Variants in HIVEP2 observed in about 807,000 individuals in gnomAD.
HIVEP2 encodes transcription factor HIVEP2.
Under a neutral mutation model 180.7 loss-of-function variants are expected in HIVEP2, and 14 were observed. The observed-to-expected ratio is 0.08, with a 90% confidence interval of 0.05 to 0.12. The LOEUF (loss-of-function observed/expected upper bound fraction) is 0.12. Among genes scored for constraint, HIVEP2 ranks in the 10% least tolerant of loss-of-function variants. The pLI is 1.00. For synonymous variants in HIVEP2, 1,184 were observed against 1,136.4 expected (o/e 1.04, Z -0.84); for missense variants, 2,579 against 3,008.5 (o/e 0.86, Z 3.34).
At chr6:142,934,433 C>T (rs1452130966) in intron 1 of HIVEP2, among the ~76,000 whole-genome samples, 1 of 152,118 alleles carries the variant, frequency 6.6e-6, no homozygotes, top group Non-Finnish European at 1.5e-5. Context: ...TCTAGAGCTC[C>T]AGTGTAGGCT....
intron 2 of HIVEP2, among the ~76,000 whole-genome samples, chr6:142,786,654 A>C (rs1435542617): frequency 6.6e-6 from 1 of 152,232 alleles, no homozygotes; most frequent in Non-Finnish European, 1.5e-5. Flanking sequence ...ATAGGTTATT[A>C]CTATTAAGCT....
chr6:142,911,192 G>A (rs1456143183), intron 1 of HIVEP2, among the ~76,000 whole-genome samples: 1 of 150,078 alleles, frequency 6.7e-6, no homozygotes, highest in Non-Finnish European at 1.5e-5. Flanking sequence ...CATTTCAGGG[G>A]AGCCCAGTGA....
chr6:142,945,337 C>T (rs1778299836), upstream of HIVEP2: 1 of 152,464 alleles, frequency 6.6e-6, no homozygotes, highest in African/African-American at 2.4e-5. The surrounding 1 kb of genome is among the most constrained non-coding windows in gnomAD (Gnocchi z 5.5). Flanking sequence ...CATCCCCGCC[C>T]CCTCCGACCC....
chr6:142,801,708 T>C (rs1776416070), intron 2 of HIVEP2, among the ~76,000 whole-genome samples: 1 of 152,252 alleles, frequency 6.6e-6, no homozygotes, highest in Admixed American at 6.5e-5. Context: ...TGGGTTACTG[T>C]AAGAACTAAG....
intron 1 of HIVEP2, among the ~76,000 whole-genome samples, chr6:142,907,755 A>G (rs987050324): frequency 6.6e-6 from 1 of 152,210 alleles, no homozygotes; most frequent in Non-Finnish European, 1.5e-5. Flanking sequence ...CTCAGGACCA[A>G]TCCAAAAACG....
chr6:142,814,570 TGTCA>T (rs1319697636), intron 2 of HIVEP2, among the ~76,000 whole-genome samples: 2 of 152,126 alleles, frequency 1.3e-5, no homozygotes, highest in African/African-American at 2.4e-5. Flanking sequence ...CGGTTATATG[TGTCA>T]GTGTGATGAG....
intron 1 of HIVEP2, among the ~76,000 whole-genome samples, chr6:142,897,889 T>C (rs988328472): frequency 6.6e-6 from 1 of 152,226 alleles, no homozygotes; most frequent in Non-Finnish European, 1.5e-5. Flanking sequence ...TCTCACTCTA[T>C]AGATGCTAAG....
intron 1 of HIVEP2, among the ~76,000 whole-genome samples, chr6:142,928,915 A>T (rs1177078906): frequency 6.6e-6 from 1 of 152,160 alleles, no homozygotes; most frequent in East Asian, 1.9e-4. Context: ...ATCTAATCAC[A>T]TCCAACTGCT....
chr6:142,940,354 G>C (rs1210941346), intron 1 of HIVEP2, among the ~76,000 whole-genome samples: 2 of 152,322 alleles, frequency 1.3e-5, no homozygotes, highest in African/African-American at 4.8e-5. Flanking sequence ...TACATATAGA[G>C]TCATTAAAAA....
chr6:142,757,962 A>G (rs1775120263), intron 9 of HIVEP2, among the ~76,000 whole-genome samples: 3 of 152,160 alleles, frequency 2.0e-5, no homozygotes, highest in Non-Finnish European at 1.5e-5. Flanking sequence ...CAAATGCCAC[A>G]CTCTCAATCC....
At chr6:142,879,072 G>A (rs1776518301) in intron 1 of HIVEP2, among the ~76,000 whole-genome samples, 1 of 152,090 alleles carries the variant, frequency 6.6e-6, no homozygotes, top group African/African-American at 2.4e-5. Context: ...AATTCAATGA[G>A]ATTATGTGTG....
chr6:142,775,073 T>C lies in HIVEP2; in HGVS notation c.-335A>G, dbSNP rs1582847581. 1 of 1,044,708 alleles carries C rather than the reference T, an allele frequency of 9.6e-7. No homozygotes were observed. Among genetic ancestry groups the C allele is most frequent in the Middle Eastern group, 4.5e-4 (1 of 2,232 alleles). The allele number at this position is 1,044,708 out of a possible 1,614,324, so 64.7% of individuals were successfully genotyped here. ...ATGATGAATAGTCTAGGAGAAATTT[T>C]GCCCATCAACTAGAGCAAAGTTCAA... On this transcript the variant is annotated 5_prime_UTR_variant, in exon 5 of 10. Transcript: ENST00000367603.
At chr6:142,832,541 C>G (rs887133875) in intron 2 of HIVEP2, among the ~76,000 whole-genome samples, 5 of 152,026 alleles carry the variant, frequency 3.3e-5, no homozygotes, top group Admixed American at 3.3e-4. Context: ...TGCATTAACC[C>G]AAAATGCAAA....
At chr6:142,836,071 C>A (rs1245644819) in intron 2 of HIVEP2, among the ~76,000 whole-genome samples, 2 of 152,104 alleles carry the variant, frequency 1.3e-5, no homozygotes, top group African/African-American at 4.8e-5. Flanking sequence ...AAGTAACAAG[C>A]TGTACAATTT....
chr6:142,849,312 C>T (rs1353109234), intron 1 of HIVEP2, among the ~76,000 whole-genome samples: 5 of 151,844 alleles, frequency 3.3e-5, no homozygotes, highest in East Asian at 3.9e-4. Context: ...ATTTGTGAGG[C>T]GGAAAAGAGG....
intron 1 of HIVEP2, among the ~76,000 whole-genome samples, chr6:142,926,922 G>T (rs1029192405): frequency 6.6e-6 from 1 of 152,102 alleles, no homozygotes; most frequent in Non-Finnish European, 1.5e-5. Flanking sequence ...GAGCCCTGCG[G>T]AGACGTCATT....
chr6:142,774,164 G>A lies in HIVEP2; in HGVS notation c.575C>T (p.Pro192Leu). Residue 192 changes from proline to leucine, a missense_variant, in exon 5 of 10, where the codon CCT (proline) becomes CTT (leucine). Pro to Leu is a moderately conservative substitution (Grantham distance 98). Around this residue, in one of 11 missense-constraint regions of HIVEP2, gnomAD observed 26 missense variants for 76.9 expected, o/e 0.34. Transcript: ENST00000367603. This position sits in a 1 kb window ranked among gnomAD's most constrained non-coding sequence, Gnocchi z 5.1. ...KPKKPGKYIC[P>L]YCSRACAKPS... ...TTTGGCACACGCTCTGCTGCAGTAAGGGCAAATGTACTTGCCAGGCTTTTT... is the reference window on the plus strand; with the variant it reads ...TTTGGCACACGCTCTGCTGCAGTAAAGGCAAATGTACTTGCCAGGCTTTTT... 1 of 1,614,120 alleles carries A rather than the reference G, an allele frequency of 6.2e-7. No homozygotes were observed.
At chr6:142,808,896 A>G (rs1200119604) in intron 2 of HIVEP2, among the ~76,000 whole-genome samples, 3 of 152,108 alleles carry the variant, frequency 2.0e-5, no homozygotes, top group African/African-American at 4.8e-5. Flanking sequence ...GCCATAGTAC[A>G]TATTTGTTCC....
chr6:142,906,766 C>G (rs1465787729), intron 1 of HIVEP2, among the ~76,000 whole-genome samples: 1 of 151,984 alleles, frequency 6.6e-6, no homozygotes, highest in African/African-American at 2.4e-5. Context: ...AGGATTGTAT[C>G]AATATCATGA....
Sources: gnomAD v4.1 joint callset for allele counts (sites outside exome capture counted in the v4.1 genomes callset) on GRCh38, gnomAD v4.1.1 for gene constraint, gnomAD v4.1.1 regional missense constraint, Gnocchi (gnomAD v3.1) non-coding constraint, MANE v1.5 for transcripts, NCBI Gene and HGNC (gene_info 2026-07-23, HGNC 2026-07-21) for gene names.